HIP1: variants seen among roughly 807,000 people sequenced by gnomAD.
The protein encoded by HIP1 is huntingtin-interacting protein 1.
A neutral mutation model predicts 147.6 loss-of-function variants in HIP1; 65 were observed. The ratio of observed to expected loss-of-function variants is 0.44; its 90% confidence interval spans 0.36 to 0.54. HIP1 has a LOEUF of 0.54. Ranked by LOEUF, HIP1 falls within the 20% of genes least tolerant of loss-of-function variation. The pLI is 0.00. For synonymous variants in HIP1, 479 were observed against 504.0 expected (o/e 0.95, Z 0.67); for missense variants, 1,061 against 1,299.6 (o/e 0.82, Z 2.82).
At chr7:75,565,544 G>A (rs1237854815) in intron 9 of HIP1, among the ~76,000 whole-genome samples, 1 of 152,118 alleles carries the variant, frequency 6.6e-6, no homozygotes, top group Non-Finnish European at 1.5e-5. Flanking sequence ...CTTGCTCCTG[G>A]GGAACCAGGC....
chr7:75,609,549 GTTTTCTTTTT>G lies in HIP1; in HGVS notation c.121-10312_121-10303del, dbSNP rs1156898312. ...CTTCAAGCTCATACTCAACGGTACCGTTTTCTTTTTTTTTCTTTTTTTTTTTGAGAACAGA... is the reference window on the plus strand; with the variant it reads ...CTTCAAGCTCATACTCAACGGTACCGTTTTCTTTTTTTTTTTGAGAACAGA... On this transcript the variant is annotated intron_variant, in intron 1 of 30. Coordinates refer to ENST00000336926, the MANE Select transcript of HIP1 (RefSeq NM_005338.7). Among the ~76,000 whole-genome samples the G allele has an allele frequency of 1.3e-4, 20 of 151,260 alleles. 1 individual carries two copies. The highest frequency in any genetic ancestry group is 4.2e-4 in the South Asian group (2 of 4,778).
At chr7:75,684,194 C>T (rs972791711) in intron 1 of HIP1, among the ~76,000 whole-genome samples, 2 of 152,214 alleles carry the variant, frequency 1.3e-5, no homozygotes, top group East Asian at 3.9e-4. Flanking sequence ...CACCTGTAAT[C>T]CCAGCACTTT....
intron 27 of HIP1, 141 bp from the exon 28 acceptor site, chr7:75,543,115 T>G (rs1794399586): frequency 1.3e-6 from 1 of 795,698 alleles, no homozygotes; most frequent in Non-Finnish European, 1.9e-6. Context: ...CTGCTGACTA[T>G]AGTCAGCTCC....
chr7:75,553,021 C>A (rs1001203447), intron 22 of HIP1, among the ~76,000 whole-genome samples: 2 of 152,042 alleles, frequency 1.3e-5, no homozygotes, highest in African/African-American at 4.8e-5. Context: ...GCACTGCAAC[C>A]TCCACCTCCT....
intron 1 of HIP1, among the ~76,000 whole-genome samples, chr7:75,708,061 C>T (rs1368584329): frequency 6.8e-6 from 1 of 147,618 alleles, no homozygotes; most frequent in Non-Finnish European, 1.5e-5. Context: ...ATGTCCAAAA[C>T]ACCAAAAGCA....
chr7:75,606,533 G>A (rs1338966767), intron 1 of HIP1, among the ~76,000 whole-genome samples: 2 of 151,582 alleles, frequency 1.3e-5, no homozygotes, highest in Non-Finnish European at 1.5e-5. Flanking sequence ...CCGAGATCCC[G>A]CCATTGTACT....
chr7:75,662,442 T>A (rs1799351548), intron 1 of HIP1, among the ~76,000 whole-genome samples: 1 of 152,194 alleles, frequency 6.6e-6, no homozygotes. Flanking sequence ...ACTCCCCCAG[T>A]GCTCAGACTA....
chr7:75,617,796 C>T (rs587652348), intron 1 of HIP1, among the ~76,000 whole-genome samples: 1 of 152,196 alleles, frequency 6.6e-6, no homozygotes, highest in Non-Finnish European at 1.5e-5. Flanking sequence ...ATGGAGGAAA[C>T]CTTGGTTCTG....
chr7:75,706,144 C>T (rs1389174428), intron 1 of HIP1, among the ~76,000 whole-genome samples: 1 of 152,112 alleles, frequency 6.6e-6, no homozygotes, highest in Non-Finnish European at 1.5e-5. Context: ...ATCCGCTCAC[C>T]TCGCCCTCCC....
intron 1 of HIP1, among the ~76,000 whole-genome samples, chr7:75,700,226 C>A (rs1554519087): frequency 1.3e-5 from 2 of 152,160 alleles, no homozygotes; most frequent in African/African-American, 4.8e-5. Context: ...TTTTCACATC[C>A]TCTGCTACTG....
At position 75,706,630 on chromosome 7, in the gene HIP1, T is replaced by A. The variant is rs1480656278; in HGVS notation, c.120+32171A>T. 4.3e-5 allele frequency among the ~76,000 whole-genome samples: 6 copies of A among 139,746 alleles called. 1 individual carries two copies. Among genetic ancestry groups the A allele is most frequent in the African/African-American group, 1.7e-4 (6 of 35,218 alleles). The allele number at this position is 139,746 out of a possible 152,430, so 91.7% of individuals were successfully genotyped here. A position where few individuals can be genotyped will look rare whatever the true frequency, so the allele number is the denominator to read the frequency against. ...TACACCCATCAACTCGTCATTTTTT[T>A]TTTTTTTTTTTTTTATTATACTCTA... On this transcript the variant is annotated intron_variant, in intron 1 of 30. Coordinates refer to ENST00000336926, the MANE Select transcript of HIP1 (RefSeq NM_005338.7).
At chr7:75,731,478 CAAAAA>C (rs1214036700) in intron 1 of HIP1, among the ~76,000 whole-genome samples, 1 of 36,294 alleles carries the variant, frequency 2.8e-5, no homozygotes, top group Non-Finnish European at 5.3e-5. Context: ...GACTCCAACT[CAAAAA>C]AAAAAAAAAA....
intron 2 of HIP1, among the ~76,000 whole-genome samples, chr7:75,595,055 C>T (rs1218447516): frequency 6.6e-6 from 1 of 152,118 alleles, no homozygotes; most frequent in Non-Finnish European, 1.5e-5. Flanking sequence ...TCACCCAGAG[C>T]ACATGTTATT....
intron 7 of HIP1, among the ~76,000 whole-genome samples, chr7:75,578,798 A>G (rs1437085934): frequency 6.6e-6 from 1 of 152,188 alleles, no homozygotes; most frequent in Non-Finnish European, 1.5e-5. Context: ...ACTTGTTTAT[A>G]TACTTTTATG....
chr7:75,704,431 A>G (rs753081973), intron 1 of HIP1, among the ~76,000 whole-genome samples: 3 of 151,928 alleles, frequency 2.0e-5, no homozygotes, highest in Non-Finnish European at 4.4e-5. Context: ...CTTAGTAGAG[A>G]TAGGGTTTCT....
intron 22 of HIP1, among the ~76,000 whole-genome samples, chr7:75,552,733 C>G (rs927226967): frequency 1.3e-5 from 2 of 152,128 alleles, no homozygotes; most frequent in Non-Finnish European, 2.9e-5. Flanking sequence ...TAAAAATCCT[C>G]AGAGACAGGG....
chr7:75,552,046 C>T (rs905668787), intron 22 of HIP1, among the ~76,000 whole-genome samples: 1 of 151,976 alleles, frequency 6.6e-6, no homozygotes, highest in African/African-American at 2.4e-5. Context: ...CCTACCATCA[C>T]GCCTGGCTAA....
intron 8 of HIP1, among the ~76,000 whole-genome samples, chr7:75,569,059 T>C (rs1584809690): frequency 6.6e-6 from 1 of 151,842 alleles, no homozygotes; most frequent in Admixed American, 6.6e-5. Flanking sequence ...CCCGGCTTGG[T>C]TGGTAGCTAA....
At chr7:75,570,620 C>T (rs587715240) in intron 8 of HIP1, among the ~76,000 whole-genome samples, 8 of 151,730 alleles carry the variant, frequency 5.3e-5, no homozygotes, top group East Asian at 1.9e-4. Context: ...TACTAATATA[C>T]GAACAAAGGG....
Sources: allele counts gnomAD v4.1 joint callset (sites outside exome capture counted in the v4.1 genomes callset), GRCh38; gene constraint gnomAD v4.1.1; transcripts MANE v1.5; gene names NCBI Gene and HGNC (gene_info 2026-07-23, HGNC 2026-07-21).